The following GLDC variants were observed in gnomAD, a reference collection of about 807,000 sequenced individuals.
The protein encoded by GLDC is glycine decarboxylase.
A neutral mutation model predicts 121.3 loss-of-function variants in GLDC; 104 were observed. That is an observed-to-expected ratio of 0.86 (90% CI 0.73 to 1.01). The LOEUF (loss-of-function observed/expected upper bound fraction) is 1.01. GLDC is among the 50% of genes least tolerant of loss of function. The pLI is 0.00. For synonymous variants in GLDC, 546 were observed against 480.6 expected (o/e 1.14, Z -1.78); for missense variants, 1,429 against 1,306.6 (o/e 1.09, Z -1.44).
At chr9:6,608,459 G>A (rs958054126) in intron 4 of GLDC, among the ~76,000 whole-genome samples, 4 of 149,036 alleles carry the variant, frequency 2.7e-5, no homozygotes, top group East Asian at 2.0e-4. Context: ...AAATTAACTC[G>A]GCCGGGCTCA....
intron 21 of GLDC, among the ~76,000 whole-genome samples, chr9:6,546,512 TC>T (rs1039816325): frequency 1.3e-5 from 2 of 151,456 alleles, no homozygotes; most frequent in Admixed American, 6.6e-5. Context: ...ACCTCCGACA[TC>T]TTGTCCTCTG....
At chr9:6,608,083 C>T (rs1818771965) in intron 4 of GLDC, among the ~76,000 whole-genome samples, 1 of 151,700 alleles carries the variant, frequency 6.6e-6, no homozygotes, top group Admixed American at 6.6e-5. Flanking sequence ...AGATCGTGCA[C>T]CCCAGCCTGG....
chr9:6,548,984 C>T (rs1025401682), intron 21 of GLDC, among the ~76,000 whole-genome samples: 10 of 152,202 alleles, frequency 6.6e-5, no homozygotes, highest in Non-Finnish European at 1.5e-4. Context: ...CCTCTCCTTC[C>T]CGACCTCCAT....
chr9:6,609,696 C>A (rs1376447080), intron 4 of GLDC, among the ~76,000 whole-genome samples: 2 of 152,048 alleles, frequency 1.3e-5, no homozygotes, highest in Non-Finnish European at 2.9e-5. Context: ...GCCCTCTGCC[C>A]TCCCAAAGCT....
intron 2 of GLDC, among the ~76,000 whole-genome samples, chr9:6,621,384 G>C (rs1819090566): frequency 6.6e-6 from 1 of 152,098 alleles, no homozygotes; most frequent in African/African-American, 2.4e-5. Context: ...CACAGCCTAG[G>C]GTACTGAGGA....
chr9:6,612,819 G>A (rs553405547), intron 3 of GLDC, among the ~76,000 whole-genome samples: 1 of 152,220 alleles, frequency 6.6e-6, no homozygotes, highest in South Asian at 2.1e-4. Flanking sequence ...CCAAGATCAT[G>A]CCACTGCACT....
At chr9:6,537,029 CA>C (rs760553731) in intron 22 of GLDC, among the ~76,000 whole-genome samples, 176 of 143,486 alleles carry the variant, frequency 1.2e-3, no homozygotes, top group Non-Finnish European at 2.1e-3. Flanking sequence ...TTCTGTAAAG[CA>C]TTTTTTTTTT....
intron 17 of GLDC, among the ~76,000 whole-genome samples, chr9:6,557,375 C>T (rs1336252185): frequency 1.3e-5 from 2 of 152,162 alleles, no homozygotes; most frequent in Admixed American, 6.5e-5. Flanking sequence ...GCGGGCGGAT[C>T]ATGAGGTCAG....
intron 2 of GLDC, among the ~76,000 whole-genome samples, chr9:6,644,052 G>GAAAAAAAAAAAAAAAAAAAAAAAAAAAA (rs905678567): frequency 3.9e-5 from 2 of 51,722 alleles, no homozygotes; most frequent in Admixed American, 2.3e-4. Context: ...AAAAAAAAAC[G>GAAAAAAAAAAAAAAAAAAAAAAAAAAAA]AAAAAAAAAA....
intron 24 of GLDC, 45 bp downstream of exon 24, chr9:6,534,663 G>A (rs1033197576): frequency 2.1e-6 from 2 of 975,464 alleles, no homozygotes; most frequent in Non-Finnish European, 3.3e-6. Flanking sequence ...GATAGGAGCT[G>A]GCCCATGCCT....
chr9:6,566,450 G>C (rs1817855729), intron 15 of GLDC: 1 of 152,164 alleles, frequency 6.6e-6, no homozygotes, highest in Non-Finnish European at 1.5e-5. Flanking sequence ...TCAAGGGCCT[G>C]ATCAGCCCCA....
intron 2 of GLDC, among the ~76,000 whole-genome samples, chr9:6,629,958 T>TGTGTGTATATATATATATATATA: frequency 5.1e-5 from 4 of 78,658 alleles, no homozygotes; most frequent in African/African-American, 2.4e-4. Context: ...TATATATATA[T>TGTGTGTATATATATATATATATA]TTTTTTTTTT....
chr9:6,644,029 C>CAAAAAAAAAAAAAAAAAAAAAAGAAAAAA (rs531081758), intron 2 of GLDC, among the ~76,000 whole-genome samples: 5 of 18,334 alleles, frequency 2.7e-4, no homozygotes, highest in Admixed American at 8.3e-4. Context: ...GATTCTGTCT[C>CAAAAAAAAAAAAAAAAAAAAAAGAAAAAA]AAAAAAAAAA....
intron 15 of GLDC, among the ~76,000 whole-genome samples, chr9:6,567,632 A>G (rs1817878907): frequency 6.6e-6 from 1 of 152,214 alleles, no homozygotes; most frequent in Non-Finnish European, 1.5e-5. Context: ...TCACAATTGT[A>G]TTCTCTATTC....
At chr9:6,534,292 T>G (rs1817069587) in intron 24 of GLDC, 1 of 242,758 alleles carries the variant, frequency 4.1e-6, no homozygotes, top group African/African-American at 2.2e-5. Context: ...TATTACTGCA[T>G]AGATCCATAA....
chr9:6,634,452 C>T (rs2129995063), intron 2 of GLDC, among the ~76,000 whole-genome samples: 1 of 152,006 alleles, frequency 6.6e-6, no homozygotes, highest in South Asian at 2.1e-4. Context: ...TCGCTTGAGC[C>T]TGGGAGGCAG....
At chr9:6,614,725 A>T (rs913228223) in intron 3 of GLDC, among the ~76,000 whole-genome samples, 1 of 152,108 alleles carries the variant, frequency 6.6e-6, no homozygotes, top group Non-Finnish European at 1.5e-5. Flanking sequence ...TGCATGGCTT[A>T]ACAGAAATAT....
rs531081758 is a variant in GLDC at position 6,644,029 on chromosome 9, C to CAAA, written c.334+582_334+584dup. 7.1e-4 allele frequency among the ~76,000 whole-genome samples: 13 copies of CAAA among 18,294 alleles called. 1 individual carries two copies. Among genetic ancestry groups the CAAA allele is most frequent in the East Asian group, 1.9e-3 (1 of 530 alleles). The allele number at this position is 18,294 out of a possible 152,430, so 12.0% of individuals were successfully genotyped here. Reference sequence around the variant, plus strand: ...AGCCTGGGCGACAGAGATTCTGTCTCAAAAAAAAAAAAAAAAAAAAACGAA... The same window carrying CAAA: ...AGCCTGGGCGACAGAGATTCTGTCTCAAAAAAAAAAAAAAAAAAAAAAAACGAA... On this transcript the variant is annotated intron_variant, in intron 2 of 24. Transcript: ENST00000321612.
At chr9:6,635,045 G>T (rs7031908) in intron 2 of GLDC, among the ~76,000 whole-genome samples, 6 of 152,004 alleles carry the variant, frequency 3.9e-5, no homozygotes, top group African/African-American at 1.5e-4. Context: ...TCTATTCACC[G>T]TCCCTCAAAT....
Sources: allele counts gnomAD v4.1 joint callset (sites outside exome capture counted in the v4.1 genomes callset), GRCh38; gene constraint gnomAD v4.1.1; transcripts MANE v1.5; gene names NCBI Gene and HGNC (gene_info 2026-07-23, HGNC 2026-07-21).